Variants in STAR observed in about 807,000 individuals in gnomAD.
The protein encoded by STAR is steroidogenic acute regulatory protein, mitochondrial.
In STAR, 32 loss-of-function variants were observed where a neutral mutation model predicts 32.3. That is an observed-to-expected ratio of 0.99 (90% confidence interval 0.75 to 1.33). STAR has a LOEUF of 1.33. STAR is among the 40% of genes most tolerant of loss of function. STAR has a pLI of 0.00. For synonymous variants in STAR, 134 were observed against 140.5 expected, an observed-to-expected ratio of 0.95 and a Z score of 0.33; for missense variants, 375 against 379.0, an observed-to-expected ratio of 0.99 and a Z score of 0.09.
intron 1 of STAR, chr8:38,149,079 A>G (rs1446695618): frequency 5.4e-6 from 2 of 373,716 alleles, no homozygotes; most frequent in African/African-American, 2.1e-5. Context: ...ATCCTACTTC[A>G]TAAGGAGAAT....
chr8:38,150,733 G>A (rs1179163205), intron 1 of STAR, 22 bp downstream of exon 1: 4 of 1,605,354 alleles, frequency 2.5e-6, no homozygotes, highest in Non-Finnish European at 2.5e-6. Flanking sequence ...ACCCCTCATC[G>A]CCTCCTTCCC....
chr8:38,145,345 A>G (rs772659283), intron 5 of STAR, 30 bp from the exon 6 acceptor site: 3 of 1,613,848 alleles, frequency 1.9e-6, no homozygotes, highest in Admixed American at 3.3e-5. Context: ...AGTCAGGAGG[A>G]CAGTTGCGAG....
chr8:38,142,745 C>G lies in STAR; in HGVS notation c.*1528G>C, dbSNP rs929241652. ...GTTTCTCCATGTTAGTCAGGCTGGT[C>G]TCCTGCCCTCAGGTGATTGCCTGCC... On this transcript the variant is annotated 3_prime_UTR_variant, in exon 7 of 7. Transcript: ENST00000276449. 2.6e-5 allele frequency among the ~76,000 whole-genome samples: 4 copies of G among 151,976 alleles called. No homozygotes were observed.
chr8:38,145,680 TC>T (rs1031752194), intron 5 of STAR: 59 of 571,774 alleles, frequency 1.0e-4, no homozygotes, highest in African/African-American at 9.5e-4. Context: ...TTACAGCTGT[TC>T]CTGAGCGTAC....
Position 38,145,994 on chromosome 8 carries a change from C to T in STAR, c.619G>A (p.Gly207Arg), listed in dbSNP as rs768598195. Residue 207 changes from glycine to arginine, a missense_variant, in exon 5 of 7, where the codon GGG (glycine) becomes AGG (arginine). By Grantham distance (125) the Gly-to-Arg change is moderately radical. Transcript: ENST00000276449. Reference sequence around the variant, plus strand: ...ACACCCTTCTGCTCAGGCATGTTCCCGAAGTCTGTGGCCATGCCAGCCAGC... The same window carrying T: ...ACACCCTTCTGCTCAGGCATGTTCCTGAAGTCTGTGGCCATGCCAGCCAGC... ...CVLAGMATDF[G>R]NMPEQKGVIR... 14 of 1,614,196 alleles carry T rather than the reference C, an allele frequency of 8.7e-6. No individual in the cohort carries two copies. The highest frequency in any genetic ancestry group is 1.1e-5 in the South Asian group (1 of 91,080).
In STAR at chr8:38,150,671, CA is replaced by C; in HGVS notation, c.64+83del. 3 of 1,594,134 alleles carry C rather than the reference CA, an allele frequency of 1.9e-6. 1 individual carries two copies. In the South Asian group the frequency reaches 3.3e-5, roughly 18 times the overall value. On this transcript the variant is annotated intron_variant, in intron 1 of 6. Transcript: ENST00000276449. ...GCCCAGGTTCACCCAGTAAGAGGCACAACTAGGATCAGAATTGGGTGGCCTG... is the reference window on the plus strand; with the variant it reads ...GCCCAGGTTCACCCAGTAAGAGGCACACTAGGATCAGAATTGGGTGGCCTG...
chr8:38,150,433 G>A (rs1334851446), intron 1 of STAR, among the ~76,000 whole-genome samples: 4 of 149,032 alleles, frequency 2.7e-5, no homozygotes, highest in Admixed American at 1.3e-4. Context: ...AAAAAAGAAC[G>A]AATGAAGGAA....
At position 38,143,985 on chromosome 8, in the gene STAR, C is replaced by T. The variant is rs749227130; in HGVS notation, c.*288G>A. The T allele has an allele frequency of 5.2e-5, 20 of 386,470 alleles. No individual in the cohort carries two copies. The highest frequency in any genetic ancestry group is 9.4e-5 in the Non-Finnish European group (19 of 201,482). The allele number at this position is 386,470 out of a possible 1,614,324, so 23.9% of individuals were successfully genotyped here. On this transcript the variant is annotated 3_prime_UTR_variant, in exon 7 of 7. Transcript: ENST00000276449. The stretch of plus-strand genomic sequence containing the variant: ...TTTTAAAGATGGTTTTAGGTGGGTA[C>T]ATAAGGGCCCAGAAAAAAAGTTTTA...
At position 38,144,382 on chromosome 8, in the gene STAR, C is replaced by G; in HGVS notation, c.749G>C (p.Trp250Ser). 2.5e-6 allele frequency: 4 copies of G among 1,594,652 alleles called. No homozygotes were observed. Among genetic ancestry groups the G allele is most frequent in the Non-Finnish European group, 3.4e-6 (4 of 1,170,564 alleles). ...TWLLSIDLKG[W>S]LPKSIINQVL... ...CTGGTTGATGATGCTCTTGGGCAGC[C>G]ACCCCTGCAGTAGGAGGTAGGAGAA... Residue 250 changes from tryptophan to serine, a missense_variant, in exon 7 of 7, where the codon TGG becomes TCG. Transcript: ENST00000276449.
intron 3 of STAR, 140 bp downstream of exon 3, chr8:38,148,060 G>A: frequency 1.8e-6 from 2 of 1,089,290 alleles, no homozygotes; most frequent in Non-Finnish European, 2.7e-6. Context: ...TCTCGAGAAA[G>A]GAGAGTTCTC....
intron 3 of STAR, among the ~76,000 whole-genome samples, chr8:38,147,072 C>T (rs1230529869): frequency 6.6e-6 from 1 of 151,852 alleles, no homozygotes; most frequent in South Asian, 2.1e-4. Flanking sequence ...ATTGCAGCCT[C>T]AACCTCCTAG....
Position 38,146,275 on chromosome 8 carries a change from T to G in STAR, c.465+14A>C. 2 of 1,614,080 alleles carry G rather than the reference T, an allele frequency of 1.2e-6. No individual in the cohort carries two copies. Among genetic ancestry groups the G allele is most frequent in the Non-Finnish European group, 1.7e-6 (2 of 1,180,030 alleles). ...CTCCTGGGCCCCTGCCACCTGCACC[T>G]GGACTTTGCTCACCTTGATCTCCTT... is the stretch of plus-strand genomic sequence containing the variant. On this transcript the variant is annotated intron_variant, in intron 4 of 6. Coordinates refer to ENST00000276449, the MANE Select transcript of STAR (RefSeq NM_000349.3).
At chr8:38,145,932 A>G (rs374430729) in intron 5 of STAR, 31 bp downstream of exon 5, 172 of 1,612,232 alleles carry the variant, frequency 1.1e-4, no homozygotes, top group Non-Finnish European at 1.4e-4. Flanking sequence ...GTGTTAGAAG[A>G]GGGGGGTTTG....
chr8:38,149,768 C>G (rs2843733), intron 1 of STAR, among the ~76,000 whole-genome samples: 149,964 of 152,246 alleles, frequency 0.99, 73,881 homozygotes, highest in Admixed American at 0.99. Context: ...GAACCCAGGA[C>G]GCAGAGGCTG....
At position 38,145,407 on chromosome 8, in the gene STAR, C is replaced by T. The variant is rs758693412; in HGVS notation, c.651-92G>A. The T allele has an allele frequency of 6.5e-6, 10 of 1,545,112 alleles. No homozygotes were observed. The East Asian group carries it at 6.8e-5, about 10-fold the overall frequency. On this transcript the variant is annotated intron_variant, in intron 5 of 6. Coordinates refer to ENST00000276449, the MANE Select transcript of STAR (RefSeq NM_000349.3). ...CAGTACCATAGATAACACGTTTCTA[C>T]GGTACCTTGTCTTTTCTGAGTCTCA...
chr8:38,149,679 G>C (rs1418782514), intron 1 of STAR, among the ~76,000 whole-genome samples: 1 of 152,170 alleles, frequency 6.6e-6, no homozygotes, highest in East Asian at 1.9e-4. Context: ...GTCAGGAATA[G>C]TTCAAGAAAG....
At chr8:38,144,443 A>G in intron 6 of STAR, 57 bp from the exon 7 acceptor site, 4 of 1,549,134 alleles carry the variant, frequency 2.6e-6, no homozygotes, top group Middle Eastern at 1.7e-4. Context: ...CACTCTTGAC[A>G]CTGCACCCTA....
intron 3 of STAR, among the ~76,000 whole-genome samples, chr8:38,147,350 A>G (rs1802592321): frequency 6.6e-6 from 1 of 152,174 alleles, no homozygotes; most frequent in South Asian, 2.1e-4. Flanking sequence ...TGACTTCAGA[A>G]GCTCAAAGAT....
rs34908868 is a variant in STAR, at chr8:38,146,393, G to A, written c.361C>T (p.Arg121Trp). The change falls in exon 4 of 7, where the codon CGG becomes TGG. Residue 121 changes from arginine (R) to tryptophan (W), a missense_variant. Physicochemically the swap from Arg to Trp is moderately radical, Grantham distance 101. Coordinates refer to ENST00000276449, the MANE Select transcript of STAR (RefSeq NM_000349.3). ...KVVPDVGKVF[R>W]LEVVVDQPME... ...GGCTGGTCCACCACGACCTCCAGCC[G>A]GAACACCTTGCCCACATCTGGGACC... The A allele has an allele frequency of 2.5e-3, 4,063 of 1,614,024 alleles. 10 individuals are homozygous for A. Among genetic ancestry groups the A allele is most frequent in the Non-Finnish European group, 3.1e-3 (3,669 of 1,180,030 alleles).
Sources: allele counts gnomAD v4.1 joint callset (sites outside exome capture counted in the v4.1 genomes callset), GRCh38; gene constraint gnomAD v4.1.1; transcripts MANE v1.5; gene names NCBI Gene and HGNC (gene_info 2026-07-23, HGNC 2026-07-21).